ZNF718: variants seen among roughly 807,000 people sequenced by gnomAD.
The protein encoded by ZNF718 is zinc finger protein 718.
A neutral mutation model predicts 2.6 loss-of-function variants in ZNF718; 3 were observed. The ratio of observed to expected loss-of-function variants is 1.16; its 90% CI spans 0.53 to 3.01. ZNF718 has a LOEUF of 3.01. Among genes scored for constraint, ZNF718 ranks in the 30% most tolerant of loss-of-function variants. The pLI, the probability that ZNF718 is intolerant of heterozygous loss-of-function variation, is 0.03. For synonymous variants in ZNF718, 135 were observed against 77.9 expected, an observed-to-expected ratio of 1.73 and a Z score of -3.86; for missense variants, 468 against 230.0, an observed-to-expected ratio of 2.03 and a Z score of -6.69.
At position 162,293 on chromosome 4, in the gene ZNF718, AT is replaced by A; in HGVS notation, c.*172del. 2.0e-6 allele frequency: 1 copy of A among 491,476 alleles called. No homozygotes were observed. Among genetic ancestry groups the A allele is most frequent in the Non-Finnish European group, 3.6e-6 (1 of 276,650 alleles). The allele number at this position is 491,476 out of a possible 1,614,324, so 30.4% of individuals were successfully genotyped here. On this transcript the variant is annotated 3_prime_UTR_variant, in exon 4 of 4. Transcript: ENST00000510175. ...GTGAGAAGCCATAAAAATATGAAAA[AT>A]GTGGAAAAGCCTTCAAATGCTTGTC...
At chr4:171,830 T>C (rs577009777) in intron 3 of ZNF718, among the ~76,000 whole-genome samples, 41 of 152,330 alleles carry the variant, frequency 2.7e-4, no homozygotes, top group South Asian at 1.0e-3. Flanking sequence ...AGCTCAAGCT[T>C]GGTGCGCTGC....
chr4:147,887 A>T (rs532046651), intron 3 of ZNF718, among the ~76,000 whole-genome samples: 1 of 152,028 alleles, frequency 6.6e-6, no homozygotes, highest in Admixed American at 6.5e-5. Flanking sequence ...AAACCCTCCA[A>T]TTATATCTGG....
chr4:142,865 A>C (rs908456182), intron 3 of ZNF718, among the ~76,000 whole-genome samples: 1 of 152,178 alleles, frequency 6.6e-6, no homozygotes, highest in East Asian at 1.9e-4. Flanking sequence ...ATTTAATTTT[A>C]CGAGGTTTGG....
chr4:159,144 C>A (rs1473511943), intron 3 of ZNF718, among the ~76,000 whole-genome samples: 4 of 150,768 alleles, frequency 2.7e-5, no homozygotes, highest in Non-Finnish European at 5.9e-5. Context: ...TCAAGCAATT[C>A]TTTTGCCTCA....
chr4:170,898 G>A lies in ZNF718; in HGVS notation c.227-30183G>A, dbSNP rs1241718091. 4.6e-5 allele frequency among the ~76,000 whole-genome samples: 7 copies of A among 152,228 alleles called. No individual in the cohort carries two copies. In the East Asian group the frequency reaches 7.7e-4, roughly 17 times the overall value. Reference sequence around the variant, plus strand: ...TGTTCCATTGCTGGTGAGGAGCTGCGTTCCTTTGGAGGGCAGAGGCACTCT... The same window carrying A: ...TGTTCCATTGCTGGTGAGGAGCTGCATTCCTTTGGAGGGCAGAGGCACTCT... On this transcript the variant is annotated intron_variant and NMD_transcript_variant, in intron 3 of 4. Coordinates refer to the ZNF718 transcript ENST00000642529.
chr4:187,447 G>A (rs1175148148), intron 3 of ZNF718, among the ~76,000 whole-genome samples: 3 of 152,024 alleles, frequency 2.0e-5, no homozygotes, highest in Admixed American at 6.6e-5. Context: ...GACTGGTCTC[G>A]AACTCCTGAC....
At chr4:134,306 C>T (rs1226970109) in intron 3 of ZNF718, among the ~76,000 whole-genome samples, 5 of 152,080 alleles carry the variant, frequency 3.3e-5, no homozygotes, top group African/African-American at 1.2e-4. Context: ...GCCACCACGC[C>T]CGGCTAATTT....
At chr4:165,660 G>T (rs1553816658), downstream of ZNF718, among the ~76,000 whole-genome samples, 1 of 152,134 alleles carries the variant, frequency 6.6e-6, no homozygotes, top group Non-Finnish European at 1.5e-5. Flanking sequence ...TTAGCCAGTT[G>T]TGATGGTGGG....
intron 3 of ZNF718, among the ~76,000 whole-genome samples, chr4:194,349 T>C (rs1213105159): frequency 6.6e-6 from 1 of 152,210 alleles, no homozygotes; most frequent in South Asian, 2.1e-4. Context: ...CATCATTGAA[T>C]AATTTATAGA....
chr4:154,505 A>G lies in ZNF718; in HGVS notation c.227-6407A>G, dbSNP rs967346433. Among the ~76,000 whole-genome samples, 8 of 152,304 alleles carry G rather than the reference A, an allele frequency of 5.3e-5. No individual in the cohort carries two copies. The East Asian group carries it at 1.4e-3, about 26-fold the overall frequency. On this transcript the variant is annotated intron_variant, in intron 3 of 3. Transcript: ENST00000510175. The stretch of plus-strand genomic sequence containing the variant: ...CAGTCCAAGGTGCTCTCAGGTGGAG[A>G]TGAGGAACTTGGGAAATGCAGTAAA...
chr4:148,979 A>T (rs1458588014), intron 3 of ZNF718, among the ~76,000 whole-genome samples: 3 of 152,196 alleles, frequency 2.0e-5, no homozygotes, highest in Non-Finnish European at 4.4e-5. Context: ...CCCTCTTAAT[A>T]CAGCCCTCCT....
At chr4:178,684 A>G (rs990766842) in intron 3 of ZNF718, among the ~76,000 whole-genome samples, 21 of 152,324 alleles carry the variant, frequency 1.4e-4, no homozygotes, top group Admixed American at 2.6e-4. Flanking sequence ...GGCCATTTGC[A>G]TAGCCTTTTT....
chr4:182,328 T>C (rs1324635032), intron 3 of ZNF718, among the ~76,000 whole-genome samples: 1 of 152,168 alleles, frequency 6.6e-6, no homozygotes, highest in Non-Finnish European at 1.5e-5. Context: ...CCAGCATCTG[T>C]TGTTTTGTGA....
chr4:174,529 C>G (rs1452328092), intron 3 of ZNF718, among the ~76,000 whole-genome samples: 3 of 152,176 alleles, frequency 2.0e-5, no homozygotes, highest in Non-Finnish European at 2.9e-5. Context: ...TTTGTAAAGC[C>G]TATCCATCTC....
At chr4:191,011 C>T (rs1311768899) in intron 3 of ZNF718, among the ~76,000 whole-genome samples, 2 of 151,778 alleles carry the variant, frequency 1.3e-5, no homozygotes, top group Non-Finnish European at 2.9e-5. Flanking sequence ...TGCACTCCAG[C>T]CTGGTGACAG....
chr4:165,676 G>A (rs1560125891), downstream of ZNF718, among the ~76,000 whole-genome samples: 1 of 152,122 alleles, frequency 6.6e-6, no homozygotes, highest in Non-Finnish European at 1.5e-5. Context: ...GTGGGTGCCT[G>A]TAATCTAAGC....
intron 3 of ZNF718, among the ~76,000 whole-genome samples, chr4:191,542 CA>C (rs1399382772): frequency 7.2e-5 from 11 of 151,916 alleles, no homozygotes; most frequent in Admixed American, 7.2e-4. Flanking sequence ...AAGAGGAGAA[CA>C]AATCACTATA....
chr4:188,313 T>C (rs1560132260), intron 3 of ZNF718, among the ~76,000 whole-genome samples: 2 of 152,240 alleles, frequency 1.3e-5, no homozygotes, highest in Non-Finnish European at 2.9e-5. Flanking sequence ...TGTGCTGTGC[T>C]GTGGGGTCCC....
Position 161,732 on chromosome 4 carries a change from T to C in ZNF718, c.1047T>C (p.Asn349=), listed in dbSNP as rs1716876712. 1.3e-6 allele frequency: 1 copy of C among 778,968 alleles called. No individual in the cohort carries two copies. Among genetic ancestry groups the C allele is most frequent in the East Asian group, 2.4e-5 (1 of 41,132 alleles). 48.3% of individuals were successfully genotyped at this position (778,968 alleles called of 1,614,324 possible). The change falls in exon 4 of 4, where the codon AAT becomes AAC. Residue 349 remains asparagine (N), a synonymous_variant. Coordinates refer to ENST00000510175, the MANE Select transcript of ZNF718 (RefSeq NM_001039127.6). The part of the protein sequence containing the change: ...YKCEECGKSF[N]RSTTLTTHKR... ...GTGAAGAATGTGGAAAATCCTTTAA[T>C]AGGTCCACAACTCTTACGACACATA...
Sources: allele counts gnomAD v4.1 joint callset (sites outside exome capture counted in the v4.1 genomes callset), GRCh38; gene constraint gnomAD v4.1.1; transcripts MANE v1.5; gene names NCBI Gene and HGNC (gene_info 2026-07-23, HGNC 2026-07-21).